The following UBE2D4 variants were observed in gnomAD, a reference collection of about 807,000 sequenced individuals.
UBE2D4 encodes the protein ubiquitin conjugating enzyme E2 D4, also known as ubiquitin-conjugating enzyme E2 D4.
Under a neutral mutation model 23.0 loss-of-function variants are expected in UBE2D4, and 17 were observed. The ratio of observed to expected loss-of-function variants is 0.74; its 90% CI spans 0.51 to 1.11. The LOEUF (loss-of-function observed/expected upper bound fraction) is 1.11, where lower values mean the gene tolerates loss of function less well. UBE2D4 is among the 50% of genes least tolerant of loss of function. UBE2D4 has a pLI of 0.00. For synonymous variants in UBE2D4, 61 were observed against 69.4 expected (o/e 0.88, Z 0.60); for missense variants, 139 against 181.8 (o/e 0.76, Z 1.35).
At chr7:43,936,021 T>A (rs1162977681) in intron 1 of UBE2D4, among the ~76,000 whole-genome samples, 1 of 152,178 alleles carries the variant, frequency 6.6e-6, no homozygotes, top group Admixed American at 6.5e-5. Context: ...TATAGGCACA[T>A]GCCACCAAGC....
intron 2 of UBE2D4, among the ~76,000 whole-genome samples, chr7:43,940,516 G>GGCTA (rs1349523402): frequency 6.6e-6 from 1 of 152,222 alleles, no homozygotes; most frequent in African/African-American, 2.4e-5. Flanking sequence ...TGCTAAGAGA[G>GGCTA]GCTAGCATCA....
intron 1 of UBE2D4, among the ~76,000 whole-genome samples, chr7:43,935,087 C>T (rs2095955645): frequency 6.6e-6 from 1 of 152,218 alleles, no homozygotes; most frequent in Non-Finnish European, 1.5e-5. Flanking sequence ...CTTCCAACTA[C>T]GTAACAGGAC....
Position 43,952,714 on chromosome 7 carries a change from A to G in UBE2D4, c.*19A>G, listed in dbSNP as rs1254018014. On this transcript the variant is annotated 3_prime_UTR_variant, in exon 7 of 7. Coordinates refer to ENST00000222402, the MANE Select transcript of UBE2D4 (RefSeq NM_015983.4). ...TATGTAAGTGCCTTGGAGGTTTTAC[A>G]TGAGACACTGTCCAAGAGAAGCTGG... The G allele has an allele frequency of 5.6e-6, 9 of 1,606,716 alleles. No individual in the cohort carries two copies. The highest frequency in any genetic ancestry group is 1.1e-5 in the South Asian group (1 of 90,940).
rs921959188 is a variant in UBE2D4 at position 43,946,943 on chromosome 7, A to G, written c.199-1689A>G. On this transcript the variant is annotated intron_variant, in intron 4 of 6. Transcript: ENST00000222402. The stretch of plus-strand genomic sequence containing the variant: ...TGTGCACAACGTGCAGGTTTGTTAC[A>G]TAGGTATACATGTGCCATGTTGGTT... Among the ~76,000 whole-genome samples, 3 of 151,844 alleles carry G rather than the reference A, an allele frequency of 2.0e-5. No individual in the cohort carries two copies. In the South Asian group the frequency reaches 6.2e-4, roughly 32 times the overall value.
chr7:43,937,934 G>A (rs1217688747), intron 1 of UBE2D4, among the ~76,000 whole-genome samples: 1 of 152,156 alleles, frequency 6.6e-6, no homozygotes, highest in Non-Finnish European at 1.5e-5. Flanking sequence ...TTGGGATGGT[G>A]GTTGGGGAGG....
At chr7:43,940,496 C>T (rs564759384) in intron 2 of UBE2D4, among the ~76,000 whole-genome samples, 2 of 152,242 alleles carry the variant, frequency 1.3e-5, no homozygotes, top group South Asian at 2.1e-4. Flanking sequence ...TACCTTGCAC[C>T]AGAGCCCAGT....
In UBE2D4 at chr7:43,929,021, A is replaced by G. The variant is rs946271517; in HGVS notation, c.24+2465A>G. Among the ~76,000 whole-genome samples, 9 of 152,294 alleles carry G rather than the reference A, an allele frequency of 5.9e-5. No individual in the cohort carries two copies. In the South Asian group the frequency reaches 6.2e-4, roughly 11 times the overall value. On this transcript the variant is annotated intron_variant, in intron 1 of 6. Transcript: ENST00000222402. The stretch of plus-strand genomic sequence containing the variant: ...TAAGAATCAAGGACAGGCTGGGTAC[A>G]GTGGCTCATGCCTATATCCCAGCAC...
At chr7:43,926,839 C>G (rs1475643394) in intron 1 of UBE2D4, among the ~76,000 whole-genome samples, 1 of 152,238 alleles carries the variant, frequency 6.6e-6, no homozygotes, top group Non-Finnish European at 1.5e-5. Context: ...CGGGTTCCCC[C>G]TGTAGGGTAT....
Position 43,948,596 on chromosome 7 carries a change from G to C in UBE2D4, c.199-36G>C, listed in dbSNP as rs147039438. The C allele has an allele frequency of 2.1e-4, 299 of 1,392,076 alleles. 2 individuals carry two copies. In the African/African-American group the frequency reaches 3.4e-3, roughly 16 times the overall value. The allele number at this position is 1,392,076 out of a possible 1,614,324, so 86.2% of individuals were successfully genotyped here. On this transcript the variant is annotated intron_variant, in intron 4 of 6. Coordinates refer to ENST00000222402, the MANE Select transcript of UBE2D4 (RefSeq NM_015983.4). ...CTTGGTTCATTTCCCACACGTCCCT[G>C]TGGTTTGTCTGATTGGGGATCTCTT...
chr7:43,934,909 T>C (rs1326971175), intron 1 of UBE2D4, among the ~76,000 whole-genome samples: 1 of 152,158 alleles, frequency 6.6e-6, no homozygotes, highest in Non-Finnish European at 1.5e-5. Context: ...GGGAAATATA[T>C]AGTGGTGCTC....
intron 1 of UBE2D4, among the ~76,000 whole-genome samples, chr7:43,931,610 T>TG (rs112039387): frequency 1.4e-4 from 4 of 27,978 alleles, no homozygotes; most frequent in South Asian, 1.9e-3. Context: ...CAAACCGGGG[T>TG]GGGGGGGCGG....
At chr7:43,950,539 C>T in intron 5 of UBE2D4, 60 bp from the exon 6 acceptor site, 1 of 1,389,796 alleles carries the variant, frequency 7.2e-7, no homozygotes, top group Non-Finnish European at 1.0e-6. Flanking sequence ...GGGAAGTTTA[C>T]CCAGGGGTGA....
At chr7:43,934,732 A>T (rs1342751749) in intron 1 of UBE2D4, among the ~76,000 whole-genome samples, 2 of 151,792 alleles carry the variant, frequency 1.3e-5, no homozygotes, top group African/African-American at 4.8e-5. Flanking sequence ...ACATATAACT[A>T]AAAAAAATAT....
chr7:43,948,147 G>A (rs748255901), intron 4 of UBE2D4, among the ~76,000 whole-genome samples: 8 of 152,192 alleles, frequency 5.3e-5, no homozygotes, highest in Non-Finnish European at 1.0e-4. Flanking sequence ...TCGGTTGCCT[G>A]TTCACTCTGA....
At position 43,953,204 on chromosome 7, in the gene UBE2D4, G is replaced by T. The variant is rs913327530; in HGVS notation, c.*509G>T. ...GAGGAGTCTCAGCTTATCCTGGAGG[G>T]AATTGGGAACAGTGTCACTGGGAAG... On this transcript the variant is annotated 3_prime_UTR_variant, in exon 7 of 7. Transcript: ENST00000222402. 2 of 456,622 alleles carry T rather than the reference G, an allele frequency of 4.4e-6. No individual in the cohort carries two copies. Among genetic ancestry groups the T allele is most frequent in the Non-Finnish European group, 8.8e-6 (2 of 226,992 alleles). 28.3% of individuals were successfully genotyped at this position (456,622 alleles called of 1,614,324 possible). A position where few individuals can be genotyped will look rare whatever the true frequency, so the allele number is the denominator to read the frequency against.
intron 4 of UBE2D4, chr7:43,946,228 T>C (rs2095986826): frequency 1.3e-5 from 2 of 152,118 alleles, no homozygotes; most frequent in Admixed American, 1.3e-4. Context: ...GACAGCGGAC[T>C]CTTCATGGGT....
intron 1 of UBE2D4, among the ~76,000 whole-genome samples, chr7:43,927,685 A>G (rs1035085733): frequency 6.6e-6 from 1 of 152,204 alleles, no homozygotes; most frequent in African/African-American, 2.4e-5. Flanking sequence ...AGGTAAAAGT[A>G]TGGACTTGGG....
At chr7:43,935,078 T>C (rs559347266) in intron 1 of UBE2D4, among the ~76,000 whole-genome samples, 162 of 152,348 alleles carry the variant, frequency 1.1e-3, no homozygotes, top group Non-Finnish European at 2.0e-3. Context: ...AGGGAATGAC[T>C]TCCAACTACG....
At position 43,953,209 on chromosome 7, in the gene UBE2D4, G is replaced by A. The variant is rs556209213; in HGVS notation, c.*514G>A. 5 of 456,722 alleles carry A rather than the reference G, an allele frequency of 1.1e-5. No homozygotes were observed. Among genetic ancestry groups the A allele is most frequent in the African/African-American group, 2.0e-5 (1 of 50,202 alleles). The allele number at this position is 456,722 out of a possible 1,614,324, so 28.3% of individuals were successfully genotyped here. On this transcript the variant is annotated 3_prime_UTR_variant, in exon 7 of 7. Transcript: ENST00000222402. ...GTCTCAGCTTATCCTGGAGGGAATT[G>A]GGAACAGTGTCACTGGGAAGTGAAG... is the stretch of plus-strand genomic sequence containing the variant.
Sources: allele counts gnomAD v4.1 joint callset (sites outside exome capture counted in the v4.1 genomes callset), GRCh38; gene constraint gnomAD v4.1.1; transcripts MANE v1.5; gene names NCBI Gene and HGNC (gene_info 2026-07-23, HGNC 2026-07-21).